UBAC2: variants seen among roughly 807,000 people sequenced by gnomAD.
The protein encoded by UBAC2 is ubiquitin-associated domain-containing protein 2.
In UBAC2, 26 loss-of-function variants were observed where a neutral mutation model predicts 44.0. The ratio of observed to expected loss-of-function variants is 0.59; its 90% CI spans 0.43 to 0.82. The LOEUF (loss-of-function observed/expected upper bound fraction) is 0.82. UBAC2 is among the 40% of genes least tolerant of loss of function. UBAC2 has a pLI of 0.00. For missense variants in UBAC2, 329 were observed against 419.4 expected (o/e 0.78, Z 1.88); for synonymous variants, 155 against 154.3 (o/e 1.00, Z -0.04).
chr13:99,331,368 C>T lies in UBAC2; in HGVS notation c.562-8952C>T, dbSNP rs138990085. ...TACTTAGCATAGTTGACCTAATCCTCCTGATGCATGATTTCCCAAAAGGAA... is the reference window on the plus strand; with the variant it reads ...TACTTAGCATAGTTGACCTAATCCTTCTGATGCATGATTTCCCAAAAGGAA... On this transcript the variant is annotated intron_variant, in intron 6 of 8. Coordinates refer to ENST00000403766, the MANE Select transcript of UBAC2 (RefSeq NM_001144072.2). Among the ~76,000 whole-genome samples the T allele has an allele frequency of 7.1e-3, 1,084 of 152,330 alleles. 5 individuals carry two copies. Among genetic ancestry groups the T allele is most frequent in the Middle Eastern group, 0.02 (6 of 294 alleles).
At chr13:99,293,601 A>T (rs1474740644) in intron 4 of UBAC2, among the ~76,000 whole-genome samples, 1 of 152,206 alleles carries the variant, frequency 6.6e-6, no homozygotes, top group Non-Finnish European at 1.5e-5. Context: ...TTGGGCTTTC[A>T]TCCGTGTTGT....
At position 99,201,086 on chromosome 13, in the gene UBAC2, C is replaced by G. The variant is rs369102336; in HGVS notation, c.31+147C>G. The G allele has an allele frequency of 3.7e-6, 5 of 1,339,062 alleles. No homozygotes were observed. The African/African-American group carries it at 4.4e-5, about 12-fold the overall frequency. 82.9% of individuals were successfully genotyped at this position (1,339,062 alleles called of 1,614,324 possible). On this transcript the variant is annotated intron_variant, in intron 1 of 8. Coordinates refer to ENST00000403766, the MANE Select transcript of UBAC2 (RefSeq NM_001144072.2). The stretch of plus-strand genomic sequence containing the variant: ...CCCGCGTCCGAACCCTGCTAGTTCC[C>G]GGTCTTGGGGGTCAGCGGAAACCGC...
chr13:99,335,882 C>CA lies in UBAC2; in HGVS notation c.562-4434dup, dbSNP rs1478650111. Among the ~76,000 whole-genome samples the CA allele has an allele frequency of 3.3e-5, 5 of 152,018 alleles. No homozygotes were observed. The East Asian group carries it at 7.7e-4, about 23-fold the overall frequency. The stretch of plus-strand genomic sequence containing the variant: ...AGTTCTCAGTTCCCTCCATCCTTAC[C>CA]AAAACCTCACACCTGGAATCCCAGC... On this transcript the variant is annotated intron_variant, in intron 6 of 8. Transcript: ENST00000403766.
intron 1 of UBAC2, among the ~76,000 whole-genome samples, chr13:99,237,449 CAG>C (rs932662630): frequency 6.6e-5 from 10 of 151,966 alleles, no homozygotes; most frequent in Non-Finnish European, 1.3e-4. Flanking sequence ...CTCATGAAGA[CAG>C]AGAGTAGGTT....
At chr13:99,242,444 G>C (rs1311030409) in intron 2 of UBAC2, among the ~76,000 whole-genome samples, 2 of 142,756 alleles carry the variant, frequency 1.4e-5, no homozygotes, top group African/African-American at 5.2e-5. Flanking sequence ...GGGGCGGCTG[G>C]CCGGGCGGGG....
intron 1 of UBAC2, among the ~76,000 whole-genome samples, chr13:99,210,473 C>CTT (rs2042924841): frequency 8.3e-6 from 1 of 120,672 alleles, no homozygotes. Context: ...TTTTCTTTTT[C>CTT]TTTTCTTTTT....
chr13:99,357,143 T>C (rs781712277), intron 7 of UBAC2, among the ~76,000 whole-genome samples: 9 of 152,234 alleles, frequency 5.9e-5, no homozygotes, highest in Non-Finnish European at 1.0e-4. Flanking sequence ...GATACACAAC[T>C]ACCATTGTGT....
rs1470191380 is a variant in UBAC2 at position 99,225,696 on chromosome 13, G to A, written c.32-12731G>A. ...GAGGCATGAGGGATGCTGCAACAAGGAATGTACCAGACAAAGCTGATGCCC... is the reference window on the plus strand; with the variant it reads ...GAGGCATGAGGGATGCTGCAACAAGAAATGTACCAGACAAAGCTGATGCCC... On this transcript the variant is annotated intron_variant, in intron 1 of 8. Coordinates refer to ENST00000403766, the MANE Select transcript of UBAC2 (RefSeq NM_001144072.2). Among the ~76,000 whole-genome samples the A allele has an allele frequency of 2.0e-5, 3 of 152,324 alleles. No homozygotes were observed. The South Asian group carries it at 6.2e-4, about 32-fold the overall frequency.
At chr13:99,210,913 C>T (rs770332445) in intron 1 of UBAC2, among the ~76,000 whole-genome samples, 1 of 152,154 alleles carries the variant, frequency 6.6e-6, no homozygotes, top group South Asian at 2.1e-4. Context: ...TGCTGGGCCC[C>T]GCTTTTTCCC....
At chr13:99,247,253 C>T (rs1231968574) in intron 4 of UBAC2, among the ~76,000 whole-genome samples, 3 of 150,738 alleles carry the variant, frequency 2.0e-5, no homozygotes, top group African/African-American at 7.3e-5. Flanking sequence ...CTCGCTCTGT[C>T]GCCCAGGCTG....
intron 4 of UBAC2, among the ~76,000 whole-genome samples, chr13:99,281,479 G>A (rs1210547913): frequency 6.6e-6 from 1 of 152,084 alleles, no homozygotes. Context: ...TGTCACCTTG[G>A]TAGTCAGCAA....
chr13:99,287,463 C>T (rs1365034027), intron 4 of UBAC2, among the ~76,000 whole-genome samples: 1 of 151,942 alleles, frequency 6.6e-6, no homozygotes, highest in African/African-American at 2.4e-5. Context: ...GTCTCACTCT[C>T]ACCCAGGCTG....
intron 1 of UBAC2, among the ~76,000 whole-genome samples, chr13:99,208,402 G>C (rs1200915352): frequency 6.6e-6 from 1 of 152,212 alleles, no homozygotes; most frequent in Non-Finnish European, 1.5e-5. Context: ...TGATTCAGCA[G>C]ATACTTACTG....
intron 1 of UBAC2, among the ~76,000 whole-genome samples, chr13:99,232,272 G>A (rs1007174512): frequency 6.6e-6 from 1 of 151,764 alleles, no homozygotes; most frequent in Non-Finnish European, 1.5e-5. Flanking sequence ...AATTTTAACT[G>A]AGAAAGGAGC....
intron 6 of UBAC2, among the ~76,000 whole-genome samples, chr13:99,325,565 C>T (rs1014108828): frequency 6.6e-6 from 1 of 152,160 alleles, no homozygotes; most frequent in African/African-American, 2.4e-5. Flanking sequence ...TATGAGAGCT[C>T]TCCTCTTAAA....
chr13:99,282,311 C>T (rs1032222678), intron 4 of UBAC2, among the ~76,000 whole-genome samples: 5 of 152,132 alleles, frequency 3.3e-5, no homozygotes, highest in African/African-American at 1.2e-4. Flanking sequence ...TAGCCCACAC[C>T]CTTGAGGAGC....
chr13:99,292,823 G>A (rs1398374871), intron 4 of UBAC2, among the ~76,000 whole-genome samples: 1 of 151,520 alleles, frequency 6.6e-6, no homozygotes, highest in African/African-American at 2.4e-5. Flanking sequence ...TGTATCACCC[G>A]ATTCATGGAG....
intron 1 of UBAC2, among the ~76,000 whole-genome samples, chr13:99,205,088 G>C (rs1008920430): frequency 6.6e-6 from 1 of 152,104 alleles, no homozygotes; most frequent in Non-Finnish European, 1.5e-5. Context: ...ATTTTTGCTA[G>C]AGACAGGGTT....
At chr13:99,255,413 T>C in intron 4 of UBAC2, 1 of 1,613,738 alleles carries the variant, frequency 6.2e-7, no homozygotes, top group Non-Finnish European at 8.5e-7. Context: ...AGCAGAGGGG[T>C]GGTCGTGGTC....
Sources: allele counts gnomAD v4.1 joint callset (sites outside exome capture counted in the v4.1 genomes callset), GRCh38; gene constraint gnomAD v4.1.1; transcripts MANE v1.5; gene names NCBI Gene and HGNC (gene_info 2026-07-23, HGNC 2026-07-21).